Variants in F7 observed in about 807,000 individuals in gnomAD.
F7 encodes the protein coagulation factor VII, also known as FVII coagulation protein.
F7 carries 38 observed loss-of-function variants against 47.5 expected under a neutral mutation model. That is an observed-to-expected ratio of 0.80 (90% CI 0.62 to 1.05). The LOEUF is 1.05. Among genes scored for constraint, F7 ranks in the 50% least tolerant of loss-of-function variants. The probability of loss-of-function intolerance (pLI) is 0.00; values close to 1 mark genes in which losing one functional copy is unlikely to be tolerated. For missense variants in F7, 575 were observed against 605.4 expected, an observed-to-expected ratio of 0.95 and a Z score of 0.53; for synonymous variants, 244 against 258.5, an observed-to-expected ratio of 0.94 and a Z score of 0.54.
At position 113,119,005 on chromosome 13, in the gene F7, C is replaced by T; in HGVS notation, c.1332C>T (p.Pro444=). 6.3e-7 allele frequency: 1 copy of T among 1,599,016 alleles called. No individual in the cohort carries two copies. Among genetic ancestry groups the T allele is most frequent in the Non-Finnish European group, 8.5e-7 (1 of 1,179,830 alleles). Residue 444 remains proline (P), a synonymous_variant, in exon 8 of 8, where the codon CCC becomes CCT. Coordinates refer to ENST00000346342, the MANE Select transcript of F7 (RefSeq NM_019616.4). ...GAGTCCTCCTGCGAGCCCCATTTCC[C>T]TAGCCCAGCAGCCCTGGCCTGTGGA... ...RPGVLLRAPF[P]
chr13:113,117,924 C>T (rs1280000240), intron 7 of F7, among the ~76,000 whole-genome samples: 2 of 152,240 alleles, frequency 1.3e-5, no homozygotes, highest in South Asian at 2.1e-4. Flanking sequence ...CTGTGGCCAC[C>T]GTGCTCTCAG....
At chr13:113,107,359 AGTGTGGGTGTCCCGGAGGC>A (rs1566904964) in intron 1 of F7, among the ~76,000 whole-genome samples, 2 of 34,086 alleles carry the variant, frequency 5.9e-5, no homozygotes, top group Non-Finnish European at 1.1e-4. Flanking sequence ...GTGTCCCGGG[AGTGTGGGTGTCCCGGAGGC>A]GAGGGTGTCC....
At position 113,113,929 on chromosome 13, in the gene F7, C is replaced by T. The variant is rs760766801; in HGVS notation, c.333C>T (p.Leu111=). Residue 111 remains leucine (L), a synonymous_variant, in exon 4 of 8, where the codon CTC becomes CTT. Transcript: ENST00000346342. This position sits in a 1 kb window ranked among gnomAD's most constrained non-coding sequence, Gnocchi z 4.1. ...TCCAGTCCTATATCTGCTTCTGCCT[C>T]CCTGCCTTCGAGGGCCGGAACTGTG... ...DQLQSYICFC[L]PAFEGRNCET... The T allele has an allele frequency of 2.5e-6, 4 of 1,614,170 alleles. No homozygotes were observed. Among genetic ancestry groups the T allele is most frequent in the East Asian group, 2.2e-5 (1 of 44,890 alleles).
In F7 at chr13:113,117,614, C is replaced by A. The variant is rs143425954; in HGVS notation, c.739+18C>A. 3.5e-4 allele frequency: 523 copies of A among 1,511,136 alleles called. 1 individual carries two copies. In the African/African-American group the frequency reaches 7.0e-3, roughly 20 times the overall value. 93.6% of individuals were successfully genotyped at this position (1,511,136 alleles called of 1,614,324 possible). Reference sequence around the variant, plus strand: ...GGTGCTGGGTGGGTACCACTCTCCCCTGTCCGACCGCGGTGCTGGGTGGGT... The same window carrying A: ...GGTGCTGGGTGGGTACCACTCTCCCATGTCCGACCGCGGTGCTGGGTGGGT... On this transcript the variant is annotated intron_variant, in intron 7 of 7. Transcript: ENST00000346342.
chr13:113,119,021 G>C lies in F7; in HGVS notation c.*13G>C. 6.3e-7 allele frequency: 1 copy of C among 1,597,608 alleles called. No individual in the cohort carries two copies. Among genetic ancestry groups the C allele is most frequent in the Non-Finnish European group, 8.5e-7 (1 of 1,179,260 alleles). Reference sequence around the variant, plus strand: ...CCCATTTCCCTAGCCCAGCAGCCCTGGCCTGTGGAGAGAAAGCCAAGGCTG... The same window carrying C: ...CCCATTTCCCTAGCCCAGCAGCCCTCGCCTGTGGAGAGAAAGCCAAGGCTG... On this transcript the variant is annotated 3_prime_UTR_variant, in exon 8 of 8. Transcript: ENST00000346342.
chr13:113,110,658 G>A (rs1240099100), intron 1 of F7, 32 bp from the exon 2 acceptor site: 3 of 1,547,314 alleles, frequency 1.9e-6, no homozygotes, highest in Admixed American at 3.9e-5. Context: ...CGGGGCACGC[G>A]GTGGGCGCTT....
chr13:113,107,941 T>A (rs1595068434), intron 1 of F7, among the ~76,000 whole-genome samples: 1 of 69,376 alleles, frequency 1.4e-5, no homozygotes, highest in African/African-American at 5.1e-5. Flanking sequence ...CCCGGGGGTG[T>A]GGGTGTCCCG....
chr13:113,110,614 G>C (rs969842076), intron 1 of F7, 76 bp from the exon 2 acceptor site: 10 of 1,532,792 alleles, frequency 6.5e-6, no homozygotes, highest in Non-Finnish European at 8.8e-6. Context: ...TGCCCCCGCC[G>C]CGTGGGCCGT....
intron 1 of F7, among the ~76,000 whole-genome samples, chr13:113,108,790 G>T (rs1384028072): frequency 2.7e-4 from 26 of 97,084 alleles, no homozygotes; most frequent in African/African-American, 7.5e-4. Flanking sequence ...TGTCCCAGGG[G>T]TGTGGGTGTC....
Position 113,119,014 on chromosome 13 carries a change from C to A in F7, c.*6C>A. On this transcript the variant is annotated 3_prime_UTR_variant, in exon 8 of 8. Transcript: ENST00000346342. ...TGCGAGCCCCATTTCCCTAGCCCAG[C>A]AGCCCTGGCCTGTGGAGAGAAAGCC... The A allele has an allele frequency of 1.3e-6, 2 of 1,598,246 alleles. No individual in the cohort carries two copies. The highest frequency in any genetic ancestry group is 1.7e-6 in the Non-Finnish European group (2 of 1,179,568).
intron 1 of F7, chr13:113,106,902 C>T (rs2035971782): frequency 6.2e-7 from 1 of 1,604,654 alleles, no homozygotes; most frequent in Admixed American, 1.7e-5. Context: ...AAGCCGGGGC[C>T]TCACAGAGGT....
intron 1 of F7, among the ~76,000 whole-genome samples, chr13:113,108,768 C>G (rs1429826683): frequency 3.1e-5 from 3 of 95,622 alleles, no homozygotes; most frequent in East Asian, 8.5e-4. Context: ...GAGGGTGTCC[C>G]GGGAGTGTGG....
Position 113,105,896 on chromosome 13 carries a change from C to G in F7, c.55C>G (p.Leu19Val). ...LCLLLGLQGC[L>V]AAVFVTQEEA... ...CCTTCTGCTTGGGCTTCAGGGCTGC[C>G]TGGCTGCAGGTGCGTCCGGGGAGGT... The change falls in exon 1 of 8, where the codon CTG becomes GTG. Residue 19 changes from leucine (L) to valine (V), a missense_variant. Coordinates refer to ENST00000346342, the MANE Select transcript of F7 (RefSeq NM_019616.4). 6.3e-7 allele frequency: 1 copy of G among 1,589,182 alleles called. No homozygotes were observed. Among genetic ancestry groups the G allele is most frequent in the East Asian group, 2.3e-5 (1 of 44,176 alleles).
At position 113,113,301 on chromosome 13, in the gene F7, A is replaced by G. The variant is rs1454406344; in HGVS notation, c.226-451A>G. Among the ~76,000 whole-genome samples, 1 of 152,236 alleles carries G rather than the reference A, an allele frequency of 6.6e-6. No homozygotes were observed. The highest frequency in any genetic ancestry group is 2.4e-5 in the African/African-American group (1 of 41,460). On this transcript the variant is annotated intron_variant, in intron 2 of 7. Coordinates refer to ENST00000346342, the MANE Select transcript of F7 (RefSeq NM_019616.4). This position sits in a 1 kb window ranked among gnomAD's most constrained non-coding sequence, Gnocchi z 4.1. ...TTCTCATCTGTTGTATTCTCACAGC[A>G]CCCCGTGAGTTTAAGTTCAGGTGGC...
intron 2 of F7, among the ~76,000 whole-genome samples, chr13:113,111,326 C>T (rs1399350995): frequency 1.3e-5 from 2 of 152,232 alleles, no homozygotes; most frequent in Non-Finnish European, 1.5e-5. Context: ...CTCACGCTCA[C>T]GGGTCACCTC....
chr13:113,115,296 A>G (rs1364213659), intron 4 of F7, among the ~76,000 whole-genome samples: 1 of 152,218 alleles, frequency 6.6e-6, no homozygotes, highest in African/African-American at 2.4e-5. Flanking sequence ...CTGATTGGAA[A>G]GTCCCTTGGA....
Position 113,114,294 on chromosome 13 carries a change from C to A in F7, c.364+334C>A, listed in dbSNP as rs777826694. On this transcript the variant is annotated intron_variant, in intron 4 of 7. Coordinates refer to ENST00000346342, the MANE Select transcript of F7 (RefSeq NM_019616.4). The stretch of plus-strand genomic sequence containing the variant: ...CACGCAGGACCGCTTGGTAAACTTC[C>A]CCTTCTCTACTTTCCATTACAAAGG... Among the ~76,000 whole-genome samples the A allele has an allele frequency of 9.2e-5, 14 of 151,944 alleles. No homozygotes were observed. In the South Asian group the frequency reaches 2.9e-3, roughly 32 times the overall value.
chr13:113,106,114 G>A (rs572411064), intron 1 of F7, among the ~76,000 whole-genome samples: 2 of 150,314 alleles, frequency 1.3e-5, no homozygotes, highest in African/African-American at 4.9e-5. Flanking sequence ...CCAGGCTTTG[G>A]CGGGATTATT....
chr13:113,116,521 A>AGCCCTGACCATTGTCTCCTCAGCCAGC (rs2036194643), intron 5 of F7, among the ~76,000 whole-genome samples: 1 of 152,238 alleles, frequency 6.6e-6, no homozygotes, highest in Non-Finnish European at 1.5e-5. Flanking sequence ...CTCCAAAACC[A>AGCCCTGACCATTGTCTCCTCAGCCAGC]GCCCTGACCA....
Sources: allele counts gnomAD v4.1 joint callset (sites outside exome capture counted in the v4.1 genomes callset), GRCh38; gene constraint gnomAD v4.1.1; non-coding constraint Gnocchi (gnomAD v3.1); transcripts MANE v1.5; gene names NCBI Gene and HGNC (gene_info 2026-07-23, HGNC 2026-07-21).